HSD17B12: variants seen among roughly 807,000 people sequenced by gnomAD.
The protein encoded by HSD17B12 is very-long-chain 3-oxoacyl-CoA reductase.
Under a neutral mutation model 39.3 loss-of-function variants are expected in HSD17B12, and 32 were observed. The observed-to-expected ratio is 0.81, with a 90% CI of 0.61 to 1.09. The LOEUF (loss-of-function observed/expected upper bound fraction) is 1.09. Ranked by LOEUF, HSD17B12 falls within the 50% of genes least tolerant of loss-of-function variation. The pLI is 0.00. For missense variants in HSD17B12, 342 were observed against 382.9 expected (o/e 0.89, Z 0.89); for synonymous variants, 150 against 146.7 (o/e 1.02, Z -0.16).
At chr11:43,586,995 T>C in the HSD17B12 span, among the ~76,000 whole-genome samples, 2 of 152,054 alleles carry the variant, frequency 1.3e-5, no homozygotes, top group African/African-American at 4.8e-5. Flanking sequence ...TGAGATGGGG[T>C]GAAAGATACA....
intron 6 of HSD17B12, chr11:43,829,685 G>GCACA (rs1412690685): frequency 6.6e-6 from 1 of 151,888 alleles, no homozygotes; most frequent in African/African-American, 2.4e-5. Flanking sequence ...AAATGCGCAC[G>GCACA]CACACACACA....
chr11:43,702,917 T>C (rs899768185), intron 1 of HSD17B12, among the ~76,000 whole-genome samples: 4 of 152,234 alleles, frequency 2.6e-5, no homozygotes, highest in Admixed American at 6.5e-5. Context: ...GCCAAAAGAC[T>C]GGACACCTCT....
chr11:43,605,261 G>A, the HSD17B12 span, among the ~76,000 whole-genome samples: 23 of 152,046 alleles, frequency 1.5e-4, no homozygotes, highest in African/African-American at 5.1e-4. Context: ...TCTGAGTGGC[G>A]GAAAAAAGTT....
chr11:43,744,699 T>C (rs1431457858), intron 1 of HSD17B12, among the ~76,000 whole-genome samples: 1 of 152,218 alleles, frequency 6.6e-6, no homozygotes, highest in South Asian at 2.1e-4. Flanking sequence ...ATATGGACTT[T>C]CATTAATTGT....
At chr11:43,570,175 GGTGTATCTGAGT>G in the HSD17B12 span, 6 of 152,520 alleles carry the variant, frequency 3.9e-5, no homozygotes, top group African/African-American at 1.4e-4. Flanking sequence ...AGGGACCCAG[GGTGTATCTGAGT>G]GTGATGTAAT....
the HSD17B12 span, among the ~76,000 whole-genome samples, chr11:43,564,594 T>C: frequency 6.6e-6 from 1 of 152,212 alleles, no homozygotes; most frequent in South Asian, 2.1e-4. Context: ...GATGCATTCC[T>C]ACCAGGGCTT....
At position 43,734,083 on chromosome 11, in the gene HSD17B12, T is replaced by C. The variant is rs540805594; in HGVS notation, c.161-16828T>C. 1.7e-5 allele frequency: 17 copies of C among 1,026,844 alleles called. No homozygotes were observed. The African/African-American group carries it at 2.2e-4, about 13-fold the overall frequency. The allele number at this position is 1,026,844 out of a possible 1,614,324, so 63.6% of individuals were successfully genotyped here. ...CAACTTCCTCATATCTTCACCAGCATCGGAGAGGACTATGATGAGCGTGTG... is the reference window on the plus strand; with the variant it reads ...CAACTTCCTCATATCTTCACCAGCACCGGAGAGGACTATGATGAGCGTGTG... On this transcript the variant is annotated intron_variant, in intron 1 of 10. Coordinates refer to ENST00000278353, the MANE Select transcript of HSD17B12 (RefSeq NM_016142.3).
chr11:43,819,853 A>G (rs1304945033), intron 6 of HSD17B12, among the ~76,000 whole-genome samples: 1 of 152,220 alleles, frequency 6.6e-6, no homozygotes. Context: ...GCACTTCTTC[A>G]TGGAGCCAAA....
the HSD17B12 span, among the ~76,000 whole-genome samples, chr11:43,658,621 C>G: frequency 6.6e-6 from 1 of 152,212 alleles, no homozygotes; most frequent in Admixed American, 6.5e-5. Flanking sequence ...AGTCAGGACC[C>G]TCAGCTGCAG....
Position 43,831,602 on chromosome 11 carries a change from T to A in HSD17B12, c.536+592T>A, listed in dbSNP as rs1951311672. 6.6e-6 allele frequency: 1 copy of A among 152,232 alleles called. No individual in the cohort carries two copies. The highest frequency in any genetic ancestry group is 2.4e-5 in the African/African-American group (1 of 41,450). The allele number at this position is 152,232 out of a possible 1,614,324, so 9.4% of individuals were successfully genotyped here. The stretch of plus-strand genomic sequence containing the variant: ...TAGATTTCTGTTATCTGAAATAGCA[T>A]GAAGTGTAGAATTGTAATTAAGCTG... On this transcript the variant is annotated intron_variant, in intron 7 of 10. Transcript: ENST00000278353. This position sits in a 1 kb window ranked among gnomAD's most constrained non-coding sequence, Gnocchi z 4.1.
chr11:43,803,305 G>A (rs1463293447), intron 4 of HSD17B12, among the ~76,000 whole-genome samples: 3 of 151,870 alleles, frequency 2.0e-5, no homozygotes, highest in South Asian at 2.1e-4. Flanking sequence ...CTTCTCTCCC[G>A]CATCCCCATC....
At chr11:43,629,427 T>C in the HSD17B12 span, among the ~76,000 whole-genome samples, 1 of 152,224 alleles carries the variant, frequency 6.6e-6, no homozygotes, top group Non-Finnish European at 1.5e-5. Flanking sequence ...TATTACATTT[T>C]TGTTTGTCCT....
the HSD17B12 span, among the ~76,000 whole-genome samples, chr11:43,669,014 T>G: frequency 6.8e-4 from 104 of 152,110 alleles, no homozygotes; most frequent in African/African-American, 2.4e-3. Flanking sequence ...CTAATATATC[T>G]CTGATGAGAT....
At chr11:43,718,711 T>C (rs760827032) in intron 1 of HSD17B12, 69 of 1,141,154 alleles carry the variant, frequency 6.0e-5, no homozygotes, top group Non-Finnish European at 8.3e-5. Context: ...CTCCTGCCCC[T>C]CCTAAAGCTG....
intron 1 of HSD17B12, among the ~76,000 whole-genome samples, chr11:43,721,252 G>A (rs2134864880): frequency 6.6e-6 from 1 of 152,082 alleles, no homozygotes; most frequent in Non-Finnish European, 1.5e-5. Flanking sequence ...TAGATAGGGT[G>A]GTCAGGAAGC....
intron 2 of HSD17B12, among the ~76,000 whole-genome samples, chr11:43,752,263 T>G (rs10768976): frequency 0.66 from 99,787 of 152,012 alleles, 33,129 homozygotes; most frequent in East Asian, 0.75. Context: ...AGTCTCATTT[T>G]TCCCATTATT....
intron 1 of HSD17B12, among the ~76,000 whole-genome samples, chr11:43,696,832 A>G (rs1565052376): frequency 1.3e-5 from 2 of 152,190 alleles, no homozygotes; most frequent in African/African-American, 4.8e-5. Flanking sequence ...CTATGCAACC[A>G]AAAAAGGAAT....
intron 1 of HSD17B12, among the ~76,000 whole-genome samples, chr11:43,721,050 A>T (rs910260107): frequency 2.0e-5 from 3 of 151,848 alleles, no homozygotes; most frequent in Admixed American, 2.0e-4. Flanking sequence ...GCTGCTGCAG[A>T]TTACTAATTT....
In HSD17B12 at chr11:43,809,492, T is replaced by G. The variant is rs569399487; in HGVS notation, c.392-5945T>G. ...TACATTTTAAAAATTCAGTTTATTT[T>G]GAAATATAGTGAGGTAGCAGCATTT... On this transcript the variant is annotated intron_variant, in intron 4 of 10. Transcript: ENST00000278353. Among the ~76,000 whole-genome samples, 6 of 152,290 alleles carry G rather than the reference T, an allele frequency of 3.9e-5. No individual in the cohort carries two copies. The South Asian group carries it at 1.2e-3, about 32-fold the overall frequency.
Sources: gnomAD v4.1 joint callset for allele counts (sites outside exome capture counted in the v4.1 genomes callset) on GRCh38, gnomAD v4.1.1 for gene constraint, Gnocchi (gnomAD v3.1) non-coding constraint, MANE v1.5 for transcripts, NCBI Gene and HGNC (gene_info 2026-07-23, HGNC 2026-07-21) for gene names.